Variants in RHOA observed in about 807,000 individuals in gnomAD.
The protein encoded by RHOA is transforming protein RhoA.
A neutral mutation model predicts 17.5 loss-of-function variants in RHOA; 3 were observed. The ratio of observed to expected loss-of-function variants is 0.17; its 90% CI spans 0.08 to 0.44. The LOEUF is 0.44. Among genes scored for constraint, RHOA ranks in the 20% least tolerant of loss-of-function variants. The pLI is 0.99. For synonymous variants in RHOA, 98 were observed against 88.4 expected (o/e 1.11, Z -0.61); for missense variants, 56 against 242.3 (o/e 0.23, Z 5.10).
At chr3:49,372,699 A>G (rs1245560034) in intron 2 of RHOA, among the ~76,000 whole-genome samples, 1 of 138,182 alleles carries the variant, frequency 7.2e-6, no homozygotes, top group Non-Finnish European at 1.5e-5. Flanking sequence ...ACGCCACTGC[A>G]CTCCAGCCTG....
intron 1 of RHOA, among the ~76,000 whole-genome samples, chr3:49,393,867 G>A (rs1347733107): frequency 6.7e-6 from 1 of 150,040 alleles, no homozygotes; most frequent in African/African-American, 2.4e-5. Flanking sequence ...GCACCACTAC[G>A]CCTGGCTAAT....
intron 1 of RHOA, among the ~76,000 whole-genome samples, chr3:49,409,352 G>A (rs935313506): frequency 1.3e-5 from 2 of 151,964 alleles, no homozygotes; most frequent in Non-Finnish European, 2.9e-5. Context: ...CTGAGATCGC[G>A]CCACTGCACT....
chr3:49,385,176 G>A (rs951473859), intron 1 of RHOA, among the ~76,000 whole-genome samples: 1 of 151,798 alleles, frequency 6.6e-6, no homozygotes, highest in African/African-American at 2.4e-5. Flanking sequence ...CTAAGTGTTG[G>A]GACTACAGGG....
At chr3:49,406,922 G>A (rs1464456596) in intron 1 of RHOA, 2 of 152,106 alleles carry the variant, frequency 1.3e-5, no homozygotes, top group African/African-American at 4.8e-5. Context: ...GGGTCACGGG[G>A]TCACGAGGTC....
At chr3:49,390,342 G>C (rs1006236717) in intron 1 of RHOA, among the ~76,000 whole-genome samples, 4 of 151,368 alleles carry the variant, frequency 2.6e-5, no homozygotes, top group Non-Finnish European at 4.4e-5. Flanking sequence ...TCTTGGCCAG[G>C]CTGGTCTTGA....
chr3:49,397,718 C>T (rs774632098), intron 1 of RHOA, among the ~76,000 whole-genome samples: 1 of 151,998 alleles, frequency 6.6e-6, no homozygotes, highest in Non-Finnish European at 1.5e-5. Context: ...GCTAGAGCAA[C>T]ATTACGAGAT....
chr3:49,360,017 A>G lies in RHOA; in HGVS notation c.*192T>C. 1 of 587,004 alleles carries G rather than the reference A, an allele frequency of 1.7e-6. No individual in the cohort carries two copies. Among genetic ancestry groups the G allele is most frequent in the Non-Finnish European group, 2.9e-6 (1 of 350,202 alleles). 36.4% of individuals were successfully genotyped at this position (587,004 alleles called of 1,614,324 possible). On this transcript the variant is annotated 3_prime_UTR_variant, in exon 5 of 5. Transcript: ENST00000418115. ...GGGCTGTTAGAGCAGTGTCAAAAGG[A>G]CCCTGGTGGGCCAGACGGGTTGGAC...
chr3:49,386,927 A>G (rs2048405038), intron 1 of RHOA, among the ~76,000 whole-genome samples: 1 of 151,214 alleles, frequency 6.6e-6, no homozygotes, highest in Non-Finnish European at 1.5e-5. Context: ...AGTCTGGCCA[A>G]CATGGCAAAA....
At chr3:49,408,581 G>A (rs2048878905) in intron 1 of RHOA, among the ~76,000 whole-genome samples, 1 of 152,112 alleles carries the variant, frequency 6.6e-6, no homozygotes, top group Non-Finnish European at 1.5e-5. Context: ...GATTAAAGAT[G>A]AGGGATTTTA....
At chr3:49,391,389 C>CAA (rs71627384) in intron 1 of RHOA, among the ~76,000 whole-genome samples, 1 of 123,092 alleles carries the variant, frequency 8.1e-6, no homozygotes. Context: ...GAGAATCCGT[C>CAA]AAAAAAAAAA....
chr3:49,408,227 T>C (rs1322955513), intron 1 of RHOA, among the ~76,000 whole-genome samples: 1 of 151,612 alleles, frequency 6.6e-6, no homozygotes, highest in Non-Finnish European at 1.5e-5. Context: ...TACACATATA[T>C]ATACGTATAC....
chr3:49,365,046 T>C (rs1197112772), intron 3 of RHOA: 1 of 152,174 alleles, frequency 6.6e-6, no homozygotes, highest in African/African-American at 2.4e-5. Context: ...TTATTTGTAA[T>C]ATTTACTGTT....
chr3:49,396,526 G>A (rs987363872), intron 1 of RHOA, among the ~76,000 whole-genome samples: 3 of 152,084 alleles, frequency 2.0e-5, no homozygotes, highest in Non-Finnish European at 4.4e-5. Flanking sequence ...GGCCAACATA[G>A]TGAAACCTTA....
At chr3:49,374,655 G>C (rs2048197027) in intron 2 of RHOA, among the ~76,000 whole-genome samples, 1 of 152,080 alleles carries the variant, frequency 6.6e-6, no homozygotes, top group South Asian at 2.1e-4. Context: ...CCGGGAGGTG[G>C]AGGTTGCAGC....
chr3:49,370,004 T>C (rs2048125646), intron 2 of RHOA, among the ~76,000 whole-genome samples: 1 of 151,290 alleles, frequency 6.6e-6, no homozygotes, highest in Admixed American at 6.6e-5. Context: ...GAGGCGGAGG[T>C]TGCAATGAGT....
chr3:49,394,988 G>A (rs6793124), intron 1 of RHOA, among the ~76,000 whole-genome samples: 148,317 of 151,990 alleles, frequency 0.98, 72,482 homozygotes, highest in Middle Eastern at 1. Flanking sequence ...GGTGGCTCAC[G>A]CTTGTAATCC....
intron 1 of RHOA, among the ~76,000 whole-genome samples, chr3:49,379,327 C>T (rs1575657173): frequency 6.6e-6 from 1 of 152,014 alleles, no homozygotes; most frequent in East Asian, 1.9e-4. Flanking sequence ...CCAGAATAAA[C>T]AAATTCAGAA....
intron 2 of RHOA, among the ~76,000 whole-genome samples, chr3:49,369,607 C>T (rs891537091): frequency 2.0e-5 from 3 of 151,768 alleles, no homozygotes; most frequent in Non-Finnish European, 4.4e-5. Flanking sequence ...CGGCAGCGTG[C>T]GCCTGTAGTC....
chr3:49,398,033 C>A (rs984863989), intron 1 of RHOA, among the ~76,000 whole-genome samples: 1 of 152,146 alleles, frequency 6.6e-6, no homozygotes, highest in Non-Finnish European at 1.5e-5. Flanking sequence ...TTTTTTCTTT[C>A]GCTACATTCA....
Sources: allele counts gnomAD v4.1 joint callset (sites outside exome capture counted in the v4.1 genomes callset), GRCh38; gene constraint gnomAD v4.1.1; transcripts MANE v1.5; gene names NCBI Gene and HGNC (gene_info 2026-07-23, HGNC 2026-07-21).